KCNQ1: variants seen among roughly 807,000 people sequenced by gnomAD.
KCNQ1 encodes the protein potassium voltage-gated channel subfamily KQT member 1.
Under a neutral mutation model 72.4 loss-of-function variants are expected in KCNQ1, and 49 were observed. That is an observed-to-expected ratio of 0.68 (90% CI 0.54 to 0.86). The LOEUF is 0.86. KCNQ1 is among the 40% of genes least tolerant of loss of function. KCNQ1 has a pLI of 0.00. For synonymous variants in KCNQ1, 450 were observed against 412.6 expected, an observed-to-expected ratio of 1.09 and a Z score of -1.10; for missense variants, 790 against 945.1, an observed-to-expected ratio of 0.84 and a Z score of 2.15.
At chr11:2,821,087 C>T (rs1413720989) in intron 15 of KCNQ1, among the ~76,000 whole-genome samples, 1 of 152,260 alleles carries the variant, frequency 6.6e-6, no homozygotes, top group African/African-American at 2.4e-5. Flanking sequence ...CCAGGTCCGG[C>T]CTGCTCTGCT....
Position 2,627,581 on chromosome 11 carries a change from T to G in KCNQ1, c.1394-34380T>G. 2.5e-6 allele frequency: 1 copy of G among 398,574 alleles called. No homozygotes were observed. Among genetic ancestry groups the G allele is most frequent in the Non-Finnish European group, 4.4e-6 (1 of 226,058 alleles). The allele number at this position is 398,574 out of a possible 1,614,324, so 24.7% of individuals were successfully genotyped here. ...TCTTTCTGTGTCTGGCTATTTCACTTAGCATAATATCCTCCAGGTTCATCT... is the reference window on the plus strand; with the variant it reads ...TCTTTCTGTGTCTGGCTATTTCACTGAGCATAATATCCTCCAGGTTCATCT... On this transcript the variant is annotated intron_variant, in intron 10 of 15. Coordinates refer to ENST00000155840, the MANE Select transcript of KCNQ1 (RefSeq NM_000218.3). The surrounding 1 kb of genome is among the most constrained non-coding windows in gnomAD (Gnocchi z 4.9).
In KCNQ1 at chr11:2,565,950, C is replaced by A. The variant is rs1391981703; in HGVS notation, c.478-4678C>A. Among the ~76,000 whole-genome samples, 3 of 152,060 alleles carry A rather than the reference C, an allele frequency of 2.0e-5. No individual in the cohort carries two copies. The highest frequency in any genetic ancestry group is 4.4e-5 in the Non-Finnish European group (3 of 68,006). ...CACCCGCCTTGGGGCCATCTGACAC[C>A]CACACCCTCCCTCCAGGCCAGACCC... On this transcript the variant is annotated intron_variant, in intron 2 of 15. Coordinates refer to ENST00000155840, the MANE Select transcript of KCNQ1 (RefSeq NM_000218.3). This position sits in a 1 kb window ranked among gnomAD's most constrained non-coding sequence, Gnocchi z 5.6.
intron 14 of KCNQ1, chr11:2,777,615 G>GA (rs71302039): frequency 0.48 from 274,756 of 576,626 alleles, 70,445 homozygotes; most frequent in Admixed American, 0.55. Flanking sequence ...GTGTAACGGA[G>GA]CAGCGGAATG....
At position 2,718,779 on chromosome 11, in the gene KCNQ1, C is replaced by T. The variant is rs140468478; in HGVS notation, c.1515-50065C>T. Among the ~76,000 whole-genome samples the T allele has an allele frequency of 5.8e-3, 883 of 152,322 alleles. 3 individuals are homozygous for T. The highest frequency in any genetic ancestry group is 9.4e-3 in the Non-Finnish European group (642 of 68,030). ...TGACCAAGCCCTGGACCCTGCTGTG[C>T]CAGGCACTCCCATCAGCATCCAGGT... On this transcript the variant is annotated intron_variant, in intron 11 of 15. Transcript: ENST00000155840.
chr11:2,694,231 G>A (rs949740755), intron 11 of KCNQ1: 12 of 398,588 alleles, frequency 3.0e-5, no homozygotes, highest in Non-Finnish European at 5.3e-5. Context: ...GTTAGATGTG[G>A]CAGGATGCAA....
In KCNQ1 at chr11:2,661,174, T is replaced by C. The variant is rs538057764; in HGVS notation, c.1394-787T>C. The C allele has an allele frequency of 5.0e-6, 2 of 398,634 alleles. No homozygotes were observed. The highest frequency in any genetic ancestry group is 1.3e-4 in the South Asian group (1 of 7,852). 24.7% of individuals were successfully genotyped at this position (398,634 alleles called of 1,614,324 possible). The stretch of plus-strand genomic sequence containing the variant: ...TAGTTGGCAGTTAACACTGATGACC[T>C]TGGGGGAGGAAAGCCATTGTGAATC... On this transcript the variant is annotated intron_variant, in intron 10 of 15. Coordinates refer to ENST00000155840, the MANE Select transcript of KCNQ1 (RefSeq NM_000218.3). The surrounding 1 kb of genome is among the most constrained non-coding windows in gnomAD (Gnocchi z 5.9).
chr11:2,821,573 G>T (rs566053380), intron 15 of KCNQ1, among the ~76,000 whole-genome samples: 2 of 152,284 alleles, frequency 1.3e-5, no homozygotes, highest in Admixed American at 6.5e-5. Context: ...GTTACCCATG[G>T]TGTCCCCTTC....
intron 10 of KCNQ1, chr11:2,640,914 A>C: frequency 2.5e-6 from 1 of 399,460 alleles, no homozygotes; most frequent in Non-Finnish European, 4.4e-6. Context: ...ACATATGATA[A>C]TAACATAAGA....
In KCNQ1 at chr11:2,828,004, G is replaced by A. The variant is rs903083560; in HGVS notation, c.1795-19763G>A. ...GGGCACATAGAGGTCTTGAAAGCTC[G>A]AATGTGGGGAGGCCAGCAACAGAGG... On this transcript the variant is annotated intron_variant, in intron 15 of 15. Coordinates refer to ENST00000155840, the MANE Select transcript of KCNQ1 (RefSeq NM_000218.3). The surrounding 1 kb of genome is among the most constrained non-coding windows in gnomAD (Gnocchi z 5.3). Among the ~76,000 whole-genome samples, 2 of 152,178 alleles carry A rather than the reference G, an allele frequency of 1.3e-5. No homozygotes were observed. The highest frequency in any genetic ancestry group is 1.9e-4 in the East Asian group (1 of 5,190).
Position 2,527,988 on chromosome 11 carries a change from C to T in KCNQ1, c.447C>T (p.Ala149=), listed in dbSNP as rs146436765. 2.2e-4 allele frequency: 356 copies of T among 1,614,000 alleles called. 1 individual carries two copies. In the African/African-American group the frequency reaches 4.1e-3, roughly 18 times the overall value. ...TGCTGTCCACCATCGAGCAGTATGCCGCCCTGGCCACGGGGACTCTCTTCT... is the reference window on the plus strand; with the variant it reads ...TGCTGTCCACCATCGAGCAGTATGCTGCCCTGGCCACGGGGACTCTCTTCT... ...FSVLSTIEQY[A]ALATGTLFWM... is the part of the protein sequence containing the mutation. The change falls in exon 2 of 16, where the codon GCC becomes GCT. Residue 149 remains alanine, a synonymous_variant. Coordinates refer to ENST00000155840, the MANE Select transcript of KCNQ1 (RefSeq NM_000218.3).
At chr11:2,631,431 T>A in intron 10 of KCNQ1, 3 of 398,612 alleles carry the variant, frequency 7.5e-6, no homozygotes, top group Non-Finnish European at 1.3e-5. Flanking sequence ...TGTTTGTTTT[T>A]TTTTTAGGAT....
chr11:2,461,620 C>T lies in KCNQ1; in HGVS notation c.386+16136C>T, dbSNP rs531397593. ...TGGCCCCTGCTCTCACCCACAACTC[C>T]AGGTTTCTGGCTCTCGGGAATTTGA... On this transcript the variant is annotated intron_variant, in intron 1 of 15. Coordinates refer to ENST00000155840, the MANE Select transcript of KCNQ1 (RefSeq NM_000218.3). The T allele has an allele frequency of 9.5e-6, 13 of 1,364,356 alleles. No individual in the cohort carries two copies. In the African/African-American group the frequency reaches 1.5e-4, roughly 15 times the overall value. 84.5% of individuals were successfully genotyped at this position (1,364,356 alleles called of 1,614,324 possible).
chr11:2,835,044 CG>C (rs527497296), intron 15 of KCNQ1, among the ~76,000 whole-genome samples: 55 of 141,582 alleles, frequency 3.9e-4, no homozygotes, highest in African/African-American at 1.4e-3. Context: ...GAGCCAGAAG[CG>C]GGGGAGGGAG....
rs971341626 is a variant in KCNQ1 at position 2,683,950 on chromosome 11, ACTG to A, written c.1514+21872_1514+21874del. 4.6e-5 allele frequency: 18 copies of A among 394,956 alleles called. No individual in the cohort carries two copies. Among genetic ancestry groups the A allele is most frequent in the African/African-American group, 3.4e-4 (16 of 47,264 alleles). The allele number at this position is 394,956 out of a possible 1,614,324, so 24.5% of individuals were successfully genotyped here. ...TTTCATAGTCAGACAAAACCAGCTG[ACTG>A]CTTTTACTTTTTTTTTTTTTTCATT... On this transcript the variant is annotated intron_variant, in intron 11 of 15. Transcript: ENST00000155840. The surrounding 1 kb of genome is among the most constrained non-coding windows in gnomAD (Gnocchi z 4.7).
Position 2,572,867 on chromosome 11 carries a change from A to G in KCNQ1, c.802A>G (p.Ile268Val), listed in dbSNP as rs757421492. ...HRQELITTLY[I>V]GFLGLIFSSY... ...CTAGGAGCTGATAACCACCCTGTAC[A>G]TCGGCTTCCTGGGCCTCATCTTCTC... is the stretch of plus-strand genomic sequence containing the variant. Residue 268 changes from isoleucine to valine, a missense_variant, in exon 6 of 16, where the codon ATC (isoleucine) becomes GTC (valine). Transcript: ENST00000155840. 11 of 1,613,786 alleles carry G rather than the reference A, an allele frequency of 6.8e-6. No homozygotes were observed. Among genetic ancestry groups the G allele is most frequent in the East Asian group, 2.2e-5 (1 of 44,882 alleles).
chr11:2,729,076 G>A (rs1337404032), intron 11 of KCNQ1, among the ~76,000 whole-genome samples: 2 of 152,196 alleles, frequency 1.3e-5, no homozygotes, highest in African/African-American at 2.4e-5. Context: ...CCCACCCCCC[G>A]CCTGCCCCAG....
intron 3 of KCNQ1, 36 bp from the exon 4 acceptor site, chr11:2,571,289 G>C (rs781244415): frequency 5.1e-6 from 8 of 1,564,460 alleles, no homozygotes; most frequent in Non-Finnish European, 7.0e-6. Context: ...TGGCTGTGGC[G>C]ATCACGAAAA....
intron 2 of KCNQ1, among the ~76,000 whole-genome samples, chr11:2,533,368 G>A (rs1284576180): frequency 1.3e-5 from 2 of 152,158 alleles, no homozygotes; most frequent in East Asian, 1.9e-4. Context: ...ACACCACGTC[G>A]GAAATCTGCT....
At position 2,778,034 on chromosome 11, in the gene KCNQ1, CA is replaced by C; in HGVS notation, c.1793del (p.Lys598ArgfsTer2). The C allele has an allele frequency of 6.2e-7, 1 of 1,613,620 alleles. No individual in the cohort carries two copies. The highest frequency in any genetic ancestry group is 8.5e-7 in the Non-Finnish European group (1 of 1,179,982). ...IGARLNRVED[K>X]VTQLDQRLAL... ...GCGCCCGCCTGAACCGAGTAGAAGA[CA>C]AGGTAGGCTCACGCGCCGGCCTGCG... On this transcript the variant is annotated frameshift_variant and splice_region_variant, in exon 15 of 16. Transcript: ENST00000155840. LOFTEE classifies it low-confidence loss of function (END_TRUNC).
Sources: allele counts gnomAD v4.1 joint callset (sites outside exome capture counted in the v4.1 genomes callset), GRCh38; gene constraint gnomAD v4.1.1; non-coding constraint Gnocchi (gnomAD v3.1); transcripts MANE v1.5; gene names NCBI Gene and HGNC (gene_info 2026-07-23, HGNC 2026-07-21).